EPHA3: variants seen among roughly 807,000 people sequenced by gnomAD.
The protein encoded by EPHA3 is ephrin type-A receptor 3.
Under a neutral mutation model 107.1 loss-of-function variants are expected in EPHA3, and 42 were observed. That is an observed-to-expected ratio of 0.39 (90% CI 0.31 to 0.51). The LOEUF (loss-of-function observed/expected upper bound fraction) is 0.51, where lower values mean the gene tolerates loss of function less well. EPHA3 is among the 20% of genes least tolerant of loss of function. The probability of loss-of-function intolerance (pLI) is 0.78; values close to 1 mark genes in which losing one functional copy is unlikely to be tolerated. For synonymous variants in EPHA3, 461 were observed against 424.8 expected (o/e 1.09, Z -1.05); for missense variants, 1,183 against 1,211.2 (o/e 0.98, Z 0.35).
intron 7 of EPHA3, chr3:89,399,735 T>C (rs1708919622): frequency 8.7e-7 from 1 of 1,153,680 alleles, no homozygotes; most frequent in African/African-American, 1.7e-5. Flanking sequence ...TGTTTTTTTT[T>C]TTTAGCCATA....
chr3:89,395,401 C>G (rs1051408241), intron 5 of EPHA3, among the ~76,000 whole-genome samples: 1 of 152,180 alleles, frequency 6.6e-6, no homozygotes, highest in Non-Finnish European at 1.5e-5. Flanking sequence ...TTCCAGTCCT[C>G]TTGCAGAGCT....
At chr3:89,476,812 G>A (rs1316290348) in intron 16 of EPHA3, among the ~76,000 whole-genome samples, 2 of 151,510 alleles carry the variant, frequency 1.3e-5, no homozygotes, top group African/African-American at 4.9e-5. Context: ...GTATCACCGC[G>A]TTAGTCAGGA....
chr3:89,396,170 T>A (rs182003317), intron 6 of EPHA3, among the ~76,000 whole-genome samples: 27 of 152,294 alleles, frequency 1.8e-4, no homozygotes, highest in African/African-American at 5.1e-4. Context: ...ATAAACAACA[T>A]CAAAGATGCC....
At chr3:89,424,699 C>A (rs1709422576) in intron 11 of EPHA3, among the ~76,000 whole-genome samples, 1 of 151,244 alleles carries the variant, frequency 6.6e-6, no homozygotes, top group Admixed American at 6.6e-5. Context: ...AAAAACAAAA[C>A]TTTTTATGAA....
intron 2 of EPHA3, among the ~76,000 whole-genome samples, chr3:89,129,454 G>A (rs9883722): frequency 0.97 from 146,974 of 152,242 alleles, 70,963 homozygotes; most frequent in African/African-American, 0.98. Context: ...TGAGAACTCC[G>A]AAGCTAAAAA....
At chr3:89,117,147 A>C (rs1339905324) in intron 1 of EPHA3, among the ~76,000 whole-genome samples, 1 of 152,122 alleles carries the variant, frequency 6.6e-6, no homozygotes, top group Non-Finnish European at 1.5e-5. Flanking sequence ...TTTCTTCTCG[A>C]TTTTTAATAC....
intron 16 of EPHA3, among the ~76,000 whole-genome samples, chr3:89,476,742 G>C (rs1710520451): frequency 6.6e-6 from 1 of 151,558 alleles, no homozygotes; most frequent in African/African-American, 2.4e-5. Context: ...GGAGTAGCTG[G>C]GAGTACAGGC....
intron 13 of EPHA3, among the ~76,000 whole-genome samples, chr3:89,439,084 T>C (rs1182967415): frequency 6.6e-6 from 1 of 152,172 alleles, no homozygotes; most frequent in Non-Finnish European, 1.5e-5. Context: ...TATAGGATCG[T>C]CAGAGAAATT....
In EPHA3 at chr3:89,458,984, C is replaced by T. The variant is rs369430070; in HGVS notation, c.2690+8614C>T. Among the ~76,000 whole-genome samples the T allele has an allele frequency of 4.8e-4, 73 of 152,134 alleles. No individual in the cohort carries two copies. The East Asian group carries it at 5.4e-3, about 11-fold the overall frequency. ...ATAAGTGGGAGTTGAACAATGAGAA[C>T]GCATGGACTCAGGGAGAGGAACATC... On this transcript the variant is annotated intron_variant, in intron 15 of 16. Coordinates refer to ENST00000336596, the MANE Select transcript of EPHA3 (RefSeq NM_005233.6).
intron 2 of EPHA3, among the ~76,000 whole-genome samples, chr3:89,201,316 A>G (rs7433634): frequency 0.79 from 120,028 of 152,106 alleles, 47,513 homozygotes; most frequent in Admixed American, 0.85. Flanking sequence ...CTCCCCCAAC[A>G]TTGGGGATTA....
At chr3:89,400,429 C>T (rs1708937899) in intron 7 of EPHA3, 1 of 152,340 alleles carries the variant, frequency 6.6e-6, no homozygotes, top group Non-Finnish European at 1.5e-5. Context: ...GTCTTGATCT[C>T]CTGTCACCTT....
chr3:89,394,807 T>C (rs1708816297), intron 5 of EPHA3, among the ~76,000 whole-genome samples: 1 of 152,226 alleles, frequency 6.6e-6, no homozygotes, highest in Non-Finnish European at 1.5e-5. Context: ...ACAGTTAATG[T>C]ATCTAAAGAT....
chr3:89,129,892 AAATT>A (rs1389746170), intron 2 of EPHA3, among the ~76,000 whole-genome samples: 1 of 152,178 alleles, frequency 6.6e-6, no homozygotes, highest in Non-Finnish European at 1.5e-5. Flanking sequence ...GTTATTTTTC[AAATT>A]AATTAACTCT....
intron 2 of EPHA3, among the ~76,000 whole-genome samples, chr3:89,130,686 G>C (rs1704187701): frequency 1.3e-5 from 2 of 150,542 alleles, no homozygotes; most frequent in Admixed American, 1.3e-4. Flanking sequence ...CCAGGCTGGA[G>C]CGCTGTGGCG....
intron 1 of EPHA3, among the ~76,000 whole-genome samples, chr3:89,121,401 A>G (rs1707381470): frequency 6.6e-6 from 1 of 152,278 alleles, no homozygotes; most frequent in Non-Finnish European, 1.5e-5. Context: ...ATAATAGTTG[A>G]CTTCGTTTAT....
chr3:89,300,097 C>T (rs1304049934), intron 3 of EPHA3, among the ~76,000 whole-genome samples: 2 of 151,922 alleles, frequency 1.3e-5, no homozygotes, highest in East Asian at 1.9e-4. Flanking sequence ...TTTATGTCTT[C>T]GATAATTGGG....
intron 11 of EPHA3, 84 bp downstream of exon 11, chr3:89,419,474 G>A (rs1709315129): frequency 7.6e-7 from 1 of 1,323,328 alleles, no homozygotes; most frequent in South Asian, 1.8e-5. Context: ...TAAGAATTTT[G>A]GCTTTTTTTC....
chr3:89,175,443 G>C (rs1425560809), intron 2 of EPHA3, among the ~76,000 whole-genome samples: 2 of 152,090 alleles, frequency 1.3e-5, no homozygotes, highest in Non-Finnish European at 2.9e-5. Flanking sequence ...GTAGTGTAAA[G>C]TCACTGGTCA....
chr3:89,119,235 G>C lies in EPHA3; in HGVS notation c.89-7974G>C, dbSNP rs555922269. On this transcript the variant is annotated intron_variant, in intron 1 of 16. Coordinates refer to ENST00000336596, the MANE Select transcript of EPHA3 (RefSeq NM_005233.6). ...CATGTGAGTGCATGTGAATATATTG[G>C]AAACACATGTGACTGAATATCAAAA... Among the ~76,000 whole-genome samples the C allele has an allele frequency of 2.5e-4, 38 of 152,126 alleles. No homozygotes were observed. In the South Asian group the frequency reaches 7.3e-3, roughly 29 times the overall value.
Sources: gnomAD v4.1 joint callset for allele counts (sites outside exome capture counted in the v4.1 genomes callset) on GRCh38, gnomAD v4.1.1 for gene constraint, MANE v1.5 for transcripts, NCBI Gene and HGNC (gene_info 2026-07-23, HGNC 2026-07-21) for gene names.